MARF1: variants seen among roughly 807,000 people sequenced by gnomAD.
MARF1 encodes the protein meiosis regulator and mRNA stability factor 1.
In MARF1, 24 loss-of-function variants were observed where a neutral mutation model predicts 168.2. The ratio of observed to expected loss-of-function variants is 0.14; its 90% CI spans 0.10 to 0.20. The LOEUF (loss-of-function observed/expected upper bound fraction) is 0.20, where lower values mean the gene tolerates loss of function less well. Ranked by LOEUF, MARF1 falls within the 10% of genes least tolerant of loss-of-function variation. The probability of loss-of-function intolerance (pLI) is 1.00; values close to 1 mark genes in which losing one functional copy is unlikely to be tolerated. For synonymous variants in MARF1, 868 were observed against 822.4 expected, an observed-to-expected ratio of 1.06 and a Z score of -0.95; for missense variants, 1,744 against 2,143.6, an observed-to-expected ratio of 0.81 and a Z score of 3.68.
chr16:15,620,711 A>G (rs1031930803), intron 12 of MARF1, among the ~76,000 whole-genome samples, 180 bp from the exon 13 acceptor site: 1 of 152,212 alleles, frequency 6.6e-6, no homozygotes, highest in Non-Finnish European at 1.5e-5. Flanking sequence ...GCAATGAAAG[A>G]AGATTACGTT....
rs569984516 is a variant in MARF1 at position 15,613,503 on chromosome 16, T to C, written c.3254-726A>G. 2.7e-5 allele frequency among the ~76,000 whole-genome samples: 4 copies of C among 150,280 alleles called. No individual in the cohort carries two copies. The East Asian group carries it at 5.9e-4, about 22-fold the overall frequency. Reference sequence around the variant, plus strand: ...TCTCTACTAAAAATACAAAAATAAATACAAAAAAATTAGCCGGGCGTGGTG... The same window carrying C: ...TCTCTACTAAAAATACAAAAATAAACACAAAAAAATTAGCCGGGCGTGGTG... On this transcript the variant is annotated intron_variant, in intron 16 of 26. Transcript: ENST00000396368.
chr16:15,625,336 C>T, intron 8 of MARF1, 36 bp downstream of exon 8: 7 of 1,569,358 alleles, frequency 4.5e-6, no homozygotes, highest in Non-Finnish European at 4.3e-6. Context: ...ACCAAACCTA[C>T]CATAAACTTC....
chr16:15,626,223 C>T (rs2034832603), intron 7 of MARF1, among the ~76,000 whole-genome samples: 2 of 152,064 alleles, frequency 1.3e-5, no homozygotes, highest in Admixed American at 6.5e-5. Flanking sequence ...TCTACAGAGA[C>T]AGAAAGATTA....
rs142771087 is a variant in MARF1 at position 15,622,452 on chromosome 16, C to T, written c.2460+482G>A. Among the ~76,000 whole-genome samples the T allele has an allele frequency of 4.5e-3, 684 of 151,544 alleles. 5 individuals are homozygous for T. The highest frequency in any genetic ancestry group is 0.016 in the African/African-American group (646 of 41,264). ...TGTCTCCCAGGCCAGAGAGCAGTGG[C>T]GTCATCTCAGCTTACTGCAACCTCT... On this transcript the variant is annotated intron_variant, in intron 11 of 26. Transcript: ENST00000396368.
intron 23 of MARF1, 82 bp from the exon 24 acceptor site, chr16:15,600,783 G>A (rs1053754267): frequency 5.5e-6 from 8 of 1,443,310 alleles, no homozygotes; most frequent in South Asian, 1.1e-5. Flanking sequence ...TGTGACCTAC[G>A]GAGCCTGCCT....
intron 20 of MARF1, chr16:15,608,747 CTA>C: frequency 3.6e-6 from 2 of 552,650 alleles, no homozygotes; most frequent in Non-Finnish European, 6.4e-6. Context: ...AAGGTAAGTT[CTA>C]TGTTATGTGT....
At chr16:15,611,888 T>C (rs2033592344) in intron 17 of MARF1, among the ~76,000 whole-genome samples, 154 bp from the exon 18 acceptor site, 1 of 152,212 alleles carries the variant, frequency 6.6e-6, no homozygotes. Context: ...CAAAATGTAG[T>C]TGGTCAAAAG....
intron 15 of MARF1, 93 bp downstream of exon 15, chr16:15,616,959 C>T: frequency 1.4e-6 from 2 of 1,463,118 alleles, no homozygotes; most frequent in Non-Finnish European, 1.9e-6. Flanking sequence ...TTGTAGAGTA[C>T]TTATTTGTAA....
intron 5 of MARF1, among the ~76,000 whole-genome samples, chr16:15,632,240 G>A (rs1266047743): frequency 6.6e-6 from 1 of 152,164 alleles, no homozygotes; most frequent in Non-Finnish European, 1.5e-5. Flanking sequence ...TGCTCTAATA[G>A]CTTCTGCCAA....
At chr16:15,600,786 G>GCGCTC in intron 23 of MARF1, 85 bp from the exon 24 acceptor site, 1 of 1,403,504 alleles carries the variant, frequency 7.1e-7, no homozygotes, top group Non-Finnish European at 1.0e-6. Flanking sequence ...GACCTACGGA[G>GCGCTC]CCTGCCTTAG....
chr16:15,635,322 T>C, intron 3 of MARF1: 1 of 406,166 alleles, frequency 2.5e-6, no homozygotes, highest in Non-Finnish European at 4.4e-6. Context: ...CTTACATGAA[T>C]GGGCCCATGT....
intron 1 of MARF1, among the ~76,000 whole-genome samples, chr16:15,639,647 C>T (rs181172157): frequency 5.3e-4 from 80 of 152,304 alleles, no homozygotes; most frequent in Middle Eastern, 3.4e-3. Context: ...GTGATCCACC[C>T]TCCTCGGCCT....
intron 2 of MARF1, among the ~76,000 whole-genome samples, chr16:15,638,264 G>C (rs1003404896): frequency 9.2e-5 from 14 of 151,874 alleles, no homozygotes; most frequent in African/African-American, 2.9e-4. Flanking sequence ...AAATAGAAAG[G>C]TGGTAACATG....
chr16:15,630,763 TAACTTA>T (rs1314205954), intron 6 of MARF1, among the ~76,000 whole-genome samples: 1 of 151,244 alleles, frequency 6.6e-6, no homozygotes, highest in Non-Finnish European at 1.5e-5. Context: ...ATTTGAAAAT[TAACTTA>T]AACTTTAAAA....
At chr16:15,641,941 TTCAAG>T (rs2036002975) in intron 1 of MARF1, among the ~76,000 whole-genome samples, 2 of 152,358 alleles carry the variant, frequency 1.3e-5, no homozygotes, top group African/African-American at 2.4e-5. Context: ...TGTCACTCTC[TTCAAG>T]TCTTTTGACC....
rs759952377 is a variant in MARF1, at chr16:15,601,955, G to A, written c.4626+36C>T. On this transcript the variant is annotated intron_variant, in intron 23 of 26. Transcript: ENST00000396368. ...AGGACAGTTAGCCTGTGGCTGTTCA[G>A]AAGATGCTCTCCCGGAAGCTGAGAA... 11 of 1,558,254 alleles carry A rather than the reference G, an allele frequency of 7.1e-6. No individual in the cohort carries two copies. The Admixed American group carries it at 1.7e-4, about 24-fold the overall frequency.
intron 4 of MARF1, 133 bp downstream of exon 4, chr16:15,634,624 A>G: frequency 1.3e-6 from 1 of 765,162 alleles, no homozygotes; most frequent in Non-Finnish European, 2.0e-6. Context: ...CTACCAAGAT[A>G]TGGAATTGGA....
chr16:15,616,621 A>G (rs926912347), intron 15 of MARF1, among the ~76,000 whole-genome samples: 26 of 152,198 alleles, frequency 1.7e-4, no homozygotes, highest in Admixed American at 1.6e-3. Context: ...TATGTACTCA[A>G]TAATGTGTTG....
In MARF1 at chr16:15,639,284, C is replaced by T. The variant is rs1449648758; in HGVS notation, c.-51G>A. 6.3e-7 allele frequency: 1 copy of T among 1,574,876 alleles called. No homozygotes were observed. The highest frequency in any genetic ancestry group is 8.6e-7 in the Non-Finnish European group (1 of 1,158,264). Reference sequence around the variant, plus strand: ...CCTTTCATCTTTCTTTTCTTTCATTCTTCCACCCTGTTAAGAATGAGTAAG... The same window carrying T: ...CCTTTCATCTTTCTTTTCTTTCATTTTTCCACCCTGTTAAGAATGAGTAAG... On this transcript the variant is annotated 5_prime_UTR_variant, in exon 2 of 27. Transcript: ENST00000396368.
Sources: allele counts gnomAD v4.1 joint callset (sites outside exome capture counted in the v4.1 genomes callset), GRCh38; gene constraint gnomAD v4.1.1; transcripts MANE v1.5; gene names NCBI Gene and HGNC (gene_info 2026-07-23, HGNC 2026-07-21).